Variants in DCC observed in about 807,000 individuals in gnomAD.
The protein encoded by DCC is netrin receptor DCC.
In DCC, 58 loss-of-function variants were observed where a neutral mutation model predicts 172.5. That is an observed-to-expected ratio of 0.34 (90% CI 0.27 to 0.42). The LOEUF is 0.42. Ranked by LOEUF, DCC falls within the 10% of genes least tolerant of loss-of-function variation. The probability of loss-of-function intolerance (pLI) is 1.00; values close to 1 mark genes in which losing one functional copy is unlikely to be tolerated. For synonymous variants in DCC, 709 were observed against 644.5 expected (o/e 1.10, Z -1.52); for missense variants, 1,740 against 1,791.0 (o/e 0.97, Z 0.51).
At chr18:52,797,066 C>T (rs761929765) in intron 2 of DCC, among the ~76,000 whole-genome samples, 14 of 151,524 alleles carry the variant, frequency 9.2e-5, no homozygotes, top group East Asian at 1.9e-4. Context: ...AGCCTATTGA[C>T]ACTTGTATTT....
At chr18:53,409,488 G>A (rs1431240995) in intron 19 of DCC, among the ~76,000 whole-genome samples, 4 of 152,168 alleles carry the variant, frequency 2.6e-5, no homozygotes, top group South Asian at 2.1e-4. Flanking sequence ...AGATCAGCAC[G>A]ACATTTGTTT....
At chr18:53,335,321 T>C (rs558490100) in intron 14 of DCC, among the ~76,000 whole-genome samples, 1 of 152,324 alleles carries the variant, frequency 6.6e-6, no homozygotes, top group African/African-American at 2.4e-5. Flanking sequence ...CTCACGATTG[T>C]CTTATTTGTT....
intron 15 of DCC, among the ~76,000 whole-genome samples, chr18:53,340,441 T>A (rs1279983525): frequency 6.6e-6 from 1 of 152,148 alleles, no homozygotes; most frequent in Non-Finnish European, 1.5e-5. Flanking sequence ...AAAGAAGGAA[T>A]TTTCAGTCAA....
In DCC at chr18:53,339,762, T is replaced by A. The variant is rs771958902; in HGVS notation, c.2214T>A (p.Thr738=). Reference sequence around the variant, plus strand: ...GCTCTCTTCATGTGAGGCCCCAGACTAACTGCATCATCATGAGTTGGACTC... The same window carrying A: ...GCTCTCTTCATGTGAGGCCCCAGACAAACTGCATCATCATGAGTTGGACTC... ...QPSSLHVRPQ[T]NCIIMSWTPP... is the part of the protein sequence containing the mutation. The change falls in exon 15 of 29, where the codon ACT becomes ACA. Residue 738 remains threonine, a synonymous_variant. Transcript: ENST00000442544. 2 of 1,614,016 alleles carry A rather than the reference T, an allele frequency of 1.2e-6. No individual in the cohort carries two copies. The highest frequency in any genetic ancestry group is 4.5e-5 in the East Asian group (2 of 44,866).
intron 5 of DCC, among the ~76,000 whole-genome samples, chr18:52,965,471 T>A (rs2040914023): frequency 1.3e-5 from 2 of 152,326 alleles, no homozygotes; most frequent in Admixed American, 1.3e-4. Context: ...TTATCCACTT[T>A]TCTTTAGCTG....
intron 15 of DCC, among the ~76,000 whole-genome samples, chr18:53,356,090 T>G (rs2057874981): frequency 6.6e-6 from 1 of 152,120 alleles, no homozygotes; most frequent in Non-Finnish European, 1.5e-5. Flanking sequence ...GGTCTCACTC[T>G]GTCACCCAGG....
At chr18:52,756,477 C>T (rs1250415140) in intron 2 of DCC, among the ~76,000 whole-genome samples, 3 of 152,162 alleles carry the variant, frequency 2.0e-5, no homozygotes, top group African/African-American at 7.2e-5. Flanking sequence ...CAAACTCACC[C>T]ATATATGTGC....
chr18:53,043,722 G>C (rs2042200189), intron 5 of DCC, among the ~76,000 whole-genome samples: 1 of 151,890 alleles, frequency 6.6e-6, no homozygotes, highest in South Asian at 2.1e-4. Flanking sequence ...GAATGGCAAA[G>C]TTGTGTTTTA....
intron 2 of DCC, among the ~76,000 whole-genome samples, chr18:52,868,885 C>T (rs1270202363): frequency 3.3e-5 from 5 of 152,190 alleles, no homozygotes; most frequent in African/African-American, 4.8e-5. Flanking sequence ...CAGGAAGCTC[C>T]AGGTGCCAGC....
intron 7 of DCC, among the ~76,000 whole-genome samples, chr18:53,122,651 C>T (rs556858835): frequency 6.6e-6 from 1 of 152,172 alleles, no homozygotes; most frequent in South Asian, 2.1e-4. Flanking sequence ...AAACTCTTAG[C>T]TGTCAGATTC....
At chr18:52,769,492 T>C (rs1294619680) in intron 2 of DCC, among the ~76,000 whole-genome samples, 1 of 152,202 alleles carries the variant, frequency 6.6e-6, no homozygotes, top group Non-Finnish European at 1.5e-5. Context: ...AGATACGTCT[T>C]CTGTAAATAT....
intron 13 of DCC, among the ~76,000 whole-genome samples, chr18:53,320,683 T>C (rs748904385): frequency 2.6e-5 from 4 of 152,220 alleles, no homozygotes; most frequent in Non-Finnish European, 5.9e-5. Flanking sequence ...TTGAATGCTG[T>C]ATATTAACCT....
rs112191423 is a variant in DCC, at chr18:53,098,556, G to T, written c.1261+32390G>T. ...ATTAGACCTAAGTTATGCATTTTGAGTTGGGCTAGCACAGAACTGATGCTG... is the reference window on the plus strand; with the variant it reads ...ATTAGACCTAAGTTATGCATTTTGATTTGGGCTAGCACAGAACTGATGCTG... On this transcript the variant is annotated intron_variant, in intron 7 of 28. Transcript: ENST00000442544. 9.4e-3 allele frequency among the ~76,000 whole-genome samples: 1,430 copies of T among 152,230 alleles called. 30 individuals are homozygous for T. The highest frequency in any genetic ancestry group is 0.032 in the African/African-American group (1,330 of 41,538).
chr18:53,003,197 T>G (rs1361749047), intron 5 of DCC, among the ~76,000 whole-genome samples: 1 of 147,226 alleles, frequency 6.8e-6, no homozygotes. Flanking sequence ...GCAACTTGGC[T>G]TCTCAATGGT....
chr18:53,046,858 C>G (rs1461789909), intron 5 of DCC, among the ~76,000 whole-genome samples: 2 of 151,862 alleles, frequency 1.3e-5, no homozygotes, highest in Admixed American at 1.3e-4. Flanking sequence ...CAGTGACTTA[C>G]TCTAAAGAGT....
intron 1 of DCC, among the ~76,000 whole-genome samples, chr18:52,709,526 G>A (rs2036261169): frequency 6.6e-6 from 1 of 152,142 alleles, no homozygotes; most frequent in South Asian, 2.1e-4. Context: ...AGTGACCGCT[G>A]GAAGGAACTT....
At chr18:53,453,980 C>G (rs2145156021) in intron 23 of DCC, among the ~76,000 whole-genome samples, 1 of 152,262 alleles carries the variant, frequency 6.6e-6, no homozygotes, top group Middle Eastern at 3.4e-3. Context: ...AACTTTTTTA[C>G]TACTGTACTT....
At chr18:53,366,850 G>A (rs965164000) in intron 15 of DCC, among the ~76,000 whole-genome samples, 10 of 152,164 alleles carry the variant, frequency 6.6e-5, no homozygotes, top group Non-Finnish European at 4.4e-5. Flanking sequence ...GCAGTAGAAC[G>A]TGTGAGCACT....
At chr18:53,466,390 C>G (rs1014789002) in intron 24 of DCC, among the ~76,000 whole-genome samples, 4 of 152,186 alleles carry the variant, frequency 2.6e-5, no homozygotes, top group African/African-American at 7.2e-5. Flanking sequence ...TGGCTTTTCA[C>G]AAAGACTTTG....
Sources: gnomAD v4.1 joint callset for allele counts (sites outside exome capture counted in the v4.1 genomes callset) on GRCh38, gnomAD v4.1.1 for gene constraint, MANE v1.5 for transcripts, NCBI Gene and HGNC (gene_info 2026-07-23, HGNC 2026-07-21) for gene names.